The following GRIN2B variants were observed in gnomAD, a reference collection of about 807,000 sequenced individuals.
The protein encoded by GRIN2B is glutamate receptor ionotropic, NMDA 2B.
In GRIN2B, 5 loss-of-function variants were observed where a neutral mutation model predicts 114.5. The observed-to-expected ratio is 0.04, with a 90% CI of 0.02 to 0.09. The LOEUF (loss-of-function observed/expected upper bound fraction) is 0.09, where lower values mean the gene tolerates loss of function less well. Among genes scored for constraint, GRIN2B ranks in the 10% least tolerant of loss-of-function variants. GRIN2B has a pLI of 1.00. For missense variants in GRIN2B, 1,108 were observed against 1,943.5 expected (o/e 0.57, Z 8.08); for synonymous variants, 787 against 745.1 (o/e 1.06, Z -0.92).
rs146454169 is a variant in GRIN2B at position 13,644,259 on chromosome 12, C to T, written c.1126-27602G>A. 3.0e-3 allele frequency among the ~76,000 whole-genome samples: 464 copies of T among 152,172 alleles called. 6 individuals are homozygous for T. Among genetic ancestry groups the T allele is most frequent in the African/African-American group, 0.01 (432 of 41,524 alleles). ...ACTGGCATGAAAAAACATTAATGTC[C>T]TTGTACATCCACATGAGAGGTCTTG... On this transcript the variant is annotated intron_variant, in intron 5 of 13. Coordinates refer to ENST00000609686, the MANE Select transcript of GRIN2B (RefSeq NM_000834.5).
intron 10 of GRIN2B, among the ~76,000 whole-genome samples, chr12:13,592,370 G>A (rs1244912314): frequency 1.3e-5 from 2 of 152,180 alleles, no homozygotes; most frequent in African/African-American, 4.8e-5. Context: ...GAACCTATCT[G>A]CAGTAGCCTT....
intron 10 of GRIN2B, among the ~76,000 whole-genome samples, chr12:13,601,152 G>T (rs1008215912): frequency 6.6e-6 from 1 of 152,200 alleles, no homozygotes; most frequent in Non-Finnish European, 1.5e-5. Flanking sequence ...TGAAGGCCTT[G>T]TATTAGGTCC....
chr12:13,957,123 C>G (rs973492505), intron 2 of GRIN2B, among the ~76,000 whole-genome samples: 9 of 152,146 alleles, frequency 5.9e-5, no homozygotes, highest in Admixed American at 5.9e-4. Context: ...CACACCATGC[C>G]ATACCATCAA....
intron 4 of GRIN2B, among the ~76,000 whole-genome samples, chr12:13,736,127 T>C (rs1863176452): frequency 3.2e-5 from 1 of 31,198 alleles, no homozygotes; most frequent in South Asian, 2.4e-3. Context: ...TCATCTCCCA[T>C]AGAAAAGCGG....
At position 13,678,247 on chromosome 12, in the gene GRIN2B, T is replaced by G. The variant is rs1215638150; in HGVS notation, c.1011-2388A>C. The stretch of plus-strand genomic sequence containing the variant: ...ATATAAACTGCATGCATTTTACAAA[T>G]GGTAGCAGTTCTCCTGTCCAGCCCA... On this transcript the variant is annotated intron_variant, in intron 4 of 13. Transcript: ENST00000609686. Among the ~76,000 whole-genome samples the G allele has an allele frequency of 2.6e-5, 4 of 152,146 alleles. No homozygotes were observed. The East Asian group carries it at 7.7e-4, about 29-fold the overall frequency.
At position 13,753,143 on chromosome 12, in the gene GRIN2B, G is replaced by C. The variant is rs1011093594; in HGVS notation, c.1010+174C>G. On this transcript the variant is annotated intron_variant, in intron 4 of 13. Transcript: ENST00000609686. This position sits in a 1 kb window ranked among gnomAD's most constrained non-coding sequence, Gnocchi z 6.2. ...TGCTCAATAAATGAAAGTTGTTTTG[G>C]CAAGGTTGGATCCAAAACACTCCCC... 6.6e-6 allele frequency among the ~76,000 whole-genome samples: 1 copy of C among 152,104 alleles called. No individual in the cohort carries two copies. Among genetic ancestry groups the C allele is most frequent in the Non-Finnish European group, 1.5e-5 (1 of 68,020 alleles).
At chr12:13,756,827 T>G (rs1863584441) in intron 3 of GRIN2B, among the ~76,000 whole-genome samples, 1 of 152,224 alleles carries the variant, frequency 6.6e-6, no homozygotes, top group African/African-American at 2.4e-5. Flanking sequence ...CTTTGTTAAT[T>G]AGATTGAATT....
At chr12:13,572,007 G>A in intron 10 of GRIN2B, 43 bp from the exon 11 acceptor site, 3 of 1,463,024 alleles carry the variant, frequency 2.1e-6, no homozygotes, top group Non-Finnish European at 2.9e-6. Flanking sequence ...GGAGATGGAG[G>A]GAGAGAGAGA....
intron 3 of GRIN2B, among the ~76,000 whole-genome samples, chr12:13,834,967 T>C (rs866282225): frequency 6.6e-6 from 1 of 152,222 alleles, no homozygotes. Flanking sequence ...AGTTTGCGCA[T>C]CTCTGCTCTA....
At chr12:13,979,156 T>C (rs1190566251) in intron 2 of GRIN2B, among the ~76,000 whole-genome samples, 1 of 152,182 alleles carries the variant, frequency 6.6e-6, no homozygotes, top group African/African-American at 2.4e-5. Context: ...AATAGATATG[T>C]AGACAGAAGG....
chr12:13,894,188 A>T (rs1866314451), intron 2 of GRIN2B, among the ~76,000 whole-genome samples: 1 of 152,150 alleles, frequency 6.6e-6, no homozygotes, highest in African/African-American at 2.4e-5. Context: ...GAGCTTTAAA[A>T]ATGTGCATAC....
chr12:13,744,431 G>T (rs1863340210), intron 4 of GRIN2B, among the ~76,000 whole-genome samples: 1 of 152,206 alleles, frequency 6.6e-6, no homozygotes, highest in African/African-American at 2.4e-5. Flanking sequence ...GTGTGTGCGT[G>T]CAAGAATTCC....
intron 11 of GRIN2B, among the ~76,000 whole-genome samples, chr12:13,571,376 G>A (rs76159952): frequency 0.029 from 4,353 of 152,270 alleles, 74 homozygotes; most frequent in South Asian, 0.067. Flanking sequence ...ATCAGTCAAC[G>A]CATTCTTACT....
Position 13,589,035 on chromosome 12 carries a change from G to A in GRIN2B, c.2011-17071C>T, listed in dbSNP as rs556528411. Among the ~76,000 whole-genome samples the A allele has an allele frequency of 2.1e-4, 32 of 152,272 alleles. No individual in the cohort carries two copies. The South Asian group carries it at 4.6e-3, about 22-fold the overall frequency. On this transcript the variant is annotated intron_variant, in intron 10 of 13. Coordinates refer to ENST00000609686, the MANE Select transcript of GRIN2B (RefSeq NM_000834.5). ...CATATCTCCAACGTCTCACAAGGTA[G>A]GGTTTCCATGACATTTTGGGACATA...
chr12:13,834,830 G>A (rs115968982), intron 3 of GRIN2B, among the ~76,000 whole-genome samples: 3,184 of 152,246 alleles, frequency 0.021, 106 homozygotes, highest in African/African-American at 0.073. Flanking sequence ...AGAGTCAACT[G>A]GAGAGCATTT....
At chr12:13,851,686 TTCTC>T (rs1156247136) in intron 3 of GRIN2B, among the ~76,000 whole-genome samples, 1 of 152,214 alleles carries the variant, frequency 6.6e-6, no homozygotes, top group Non-Finnish European at 1.5e-5. Flanking sequence ...CCAAGCTCCT[TTCTC>T]TCTTTCTTGC....
In GRIN2B at chr12:13,813,215, G is replaced by A. The variant is rs530753456; in HGVS notation, c.411+52583C>T. ...CTCCCAAAGTGCTGGGATTACAGGC[G>A]TGAGCCACCGTGCCCGGCCTGGGAA... On this transcript the variant is annotated intron_variant, in intron 3 of 13. Transcript: ENST00000609686. 3.9e-5 allele frequency among the ~76,000 whole-genome samples: 6 copies of A among 152,098 alleles called. No individual in the cohort carries two copies. The South Asian group carries it at 1.3e-3, about 32-fold the overall frequency.
intron 5 of GRIN2B, among the ~76,000 whole-genome samples, chr12:13,626,347 G>A (rs2136492466): frequency 6.6e-6 from 1 of 152,288 alleles, no homozygotes; most frequent in African/African-American, 2.4e-5. Context: ...GAAAATGATG[G>A]GTGGGTTCTA....
At chr12:13,579,519 G>C (rs186780797) in intron 10 of GRIN2B, among the ~76,000 whole-genome samples, 1 of 152,324 alleles carries the variant, frequency 6.6e-6, no homozygotes, top group Admixed American at 6.5e-5. Flanking sequence ...TATTGGCACA[G>C]TGCCTGGCTG....
Sources: gnomAD v4.1 joint callset for allele counts (sites outside exome capture counted in the v4.1 genomes callset) on GRCh38, gnomAD v4.1.1 for gene constraint, Gnocchi (gnomAD v3.1) non-coding constraint, MANE v1.5 for transcripts, NCBI Gene and HGNC (gene_info 2026-07-23, HGNC 2026-07-21) for gene names.